Variants in IFT52 observed in about 807,000 individuals in gnomAD.
IFT52 encodes the protein intraflagellar transport 52, also known as intraflagellar transport protein 52 homolog.
Under a neutral mutation model 54.4 loss-of-function variants are expected in IFT52, and 44 were observed. That is an observed-to-expected ratio of 0.81 (90% confidence interval 0.63 to 1.04). The LOEUF (loss-of-function observed/expected upper bound fraction) is 1.04, where lower values mean the gene tolerates loss of function less well. Ranked by LOEUF, IFT52 falls within the 50% of genes least tolerant of loss-of-function variation. The pLI, the probability that IFT52 is intolerant of heterozygous loss-of-function variation, is 0.00. For missense variants in IFT52, 452 were observed against 523.6 expected (o/e 0.86, Z 1.33); for synonymous variants, 181 against 185.3 (o/e 0.98, Z 0.19).
chr20:43,605,126 CT>C, intron 6 of IFT52, 53 bp downstream of exon 6: 1 of 1,593,098 alleles, frequency 6.3e-7, no homozygotes, highest in Admixed American at 1.9e-5. Flanking sequence ...TTGGAGTCTT[CT>C]TTTTCAAAAT....
At chr20:43,597,779 A>C (rs1327479858) in intron 3 of IFT52, among the ~76,000 whole-genome samples, 4 of 151,916 alleles carry the variant, frequency 2.6e-5, no homozygotes, top group African/African-American at 9.7e-5. Context: ...CTGTAATCCC[A>C]ACTACTTGGG....
chr20:43,603,639 T>G (rs1205655822), intron 3 of IFT52, 121 bp from the exon 4 acceptor site: 2 of 864,710 alleles, frequency 2.3e-6, no homozygotes, highest in Non-Finnish European at 3.6e-6. Flanking sequence ...TATATACATT[T>G]ATATGTAAAT....
At chr20:43,617,869 G>C (rs1375433340) in intron 7 of IFT52, among the ~76,000 whole-genome samples, 1 of 152,160 alleles carries the variant, frequency 6.6e-6, no homozygotes, top group Non-Finnish European at 1.5e-5. Context: ...AGCCTCCCAG[G>C]TAGCTGTGGG....
chr20:43,627,724 A>T (rs761353325), intron 10 of IFT52, among the ~76,000 whole-genome samples: 8 of 152,006 alleles, frequency 5.3e-5, no homozygotes, highest in Non-Finnish European at 1.0e-4. Context: ...GGGGTTTGGT[A>T]AGTTGTCTTA....
At chr20:43,620,237 G>A (rs1377946949) in intron 8 of IFT52, among the ~76,000 whole-genome samples, 2 of 152,038 alleles carry the variant, frequency 1.3e-5, no homozygotes, top group Non-Finnish European at 2.9e-5. Flanking sequence ...CTTTTCAAAA[G>A]TTTTAATTTC....
At position 43,637,184 on chromosome 20, in the gene IFT52, C is replaced by A. The variant is rs755191500; in HGVS notation, c.1051C>A (p.Leu351Met). The change falls in exon 12 of 14, where the codon CTG becomes ATG. Residue 351 changes from leucine (L) to methionine (M), a missense_variant. Coordinates refer to ENST00000373030, the MANE Select transcript of IFT52 (RefSeq NM_016004.5). ...TTTCCGGGAGTTACCACCTCCTCCT[C>A]TGGAGCTATTTGATTTAGATGAAAC... ...PSFRELPPPP[L>M]ELFDLDETFS... The A allele has an allele frequency of 6.2e-7, 1 of 1,611,432 alleles. No individual in the cohort carries two copies. Among genetic ancestry groups the A allele is most frequent in the Non-Finnish European group, 8.5e-7 (1 of 1,179,044 alleles).
chr20:43,631,778 C>T (rs1985187507), intron 10 of IFT52, among the ~76,000 whole-genome samples: 1 of 152,092 alleles, frequency 6.6e-6, no homozygotes, highest in African/African-American at 2.4e-5. Context: ...ATGCCGGGCA[C>T]CCTTCTGCCT....
intron 9 of IFT52, among the ~76,000 whole-genome samples, chr20:43,621,267 A>T (rs565452461): frequency 6.6e-6 from 1 of 152,322 alleles, no homozygotes; most frequent in Non-Finnish European, 1.5e-5. Flanking sequence ...AAAGAAACAA[A>T]GAGTATCAGA....
At chr20:43,601,674 T>G (rs969561759) in intron 3 of IFT52, among the ~76,000 whole-genome samples, 2 of 152,212 alleles carry the variant, frequency 1.3e-5, no homozygotes, top group African/African-American at 4.8e-5. Flanking sequence ...CAGTAGAATT[T>G]CCCAAGCAAA....
chr20:43,610,670 C>G (rs953815798), intron 6 of IFT52, among the ~76,000 whole-genome samples: 1 of 151,010 alleles, frequency 6.6e-6, no homozygotes, highest in African/African-American at 2.4e-5. Context: ...ACCCGGGAGG[C>G]GGAGCTTGCA....
chr20:43,625,164 A>C (rs1400952027), intron 10 of IFT52, among the ~76,000 whole-genome samples: 3 of 152,118 alleles, frequency 2.0e-5, no homozygotes, highest in Non-Finnish European at 4.4e-5. Flanking sequence ...AGATGATTAC[A>C]TACGTCAAGC....
At chr20:43,599,075 A>G (rs1015981766) in intron 3 of IFT52, among the ~76,000 whole-genome samples, 6 of 152,218 alleles carry the variant, frequency 3.9e-5, no homozygotes, top group Admixed American at 2.6e-4. Flanking sequence ...GATCAGGTTA[A>G]TTGACAGAAG....
chr20:43,624,130 G>A, intron 10 of IFT52, 85 bp downstream of exon 10: 2 of 1,395,084 alleles, frequency 1.4e-6, no homozygotes, highest in South Asian at 1.2e-5. Flanking sequence ...CGGGAATTAG[G>A]GTCACAGTAA....
rs148920641 is a variant in IFT52 at position 43,611,598 on chromosome 20, C to T, written c.486-2252C>T. On this transcript the variant is annotated intron_variant, in intron 6 of 13. Coordinates refer to ENST00000373030, the MANE Select transcript of IFT52 (RefSeq NM_016004.5). ...GATTACAGGTGCCCGCCACCACACC[C>T]GGCTAAGTTTTGTATTTTGAGTAGA... Among the ~76,000 whole-genome samples the T allele has an allele frequency of 1.1e-3, 172 of 151,732 alleles. No homozygotes were observed. In the Middle Eastern group the frequency reaches 0.014, roughly 12 times the overall value.
chr20:43,634,214 GA>G (rs11086885), intron 10 of IFT52, among the ~76,000 whole-genome samples: 136,678 of 149,708 alleles, frequency 0.91, 62,497 homozygotes, highest in East Asian at 0.98. Flanking sequence ...GTGCATAAAT[GA>G]AAAAAAAAAA....
At chr20:43,638,942 T>C (rs1248300082) in intron 12 of IFT52, among the ~76,000 whole-genome samples, 1 of 152,186 alleles carries the variant, frequency 6.6e-6, no homozygotes, top group Non-Finnish European at 1.5e-5. Flanking sequence ...AGACCTTTAC[T>C]GCATCTCTCT....
At chr20:43,615,122 C>T (rs983436319) in intron 7 of IFT52, among the ~76,000 whole-genome samples, 12 of 151,312 alleles carry the variant, frequency 7.9e-5, no homozygotes, top group African/African-American at 2.4e-4. Context: ...AGTGCAGTGG[C>T]GCAATCTTGG....
chr20:43,591,080 C>G (rs1426377474), intron 1 of IFT52, 26 bp downstream of exon 1: 1 of 152,488 alleles, frequency 6.6e-6, no homozygotes, highest in African/African-American at 2.4e-5. Context: ...AGTGGTGGGC[C>G]GGCTGGGGCG....
chr20:43,617,316 T>C (rs1983932411), intron 7 of IFT52, among the ~76,000 whole-genome samples: 1 of 152,248 alleles, frequency 6.6e-6, no homozygotes, highest in Non-Finnish European at 1.5e-5. Flanking sequence ...GTTTATATCA[T>C]ATTTTCATAT....
Sources: gnomAD v4.1 joint callset for allele counts (sites outside exome capture counted in the v4.1 genomes callset) on GRCh38, gnomAD v4.1.1 for gene constraint, MANE v1.5 for transcripts, NCBI Gene and HGNC (gene_info 2026-07-23, HGNC 2026-07-21) for gene names.